DNAH17: variants seen among roughly 807,000 people sequenced by gnomAD.
The protein encoded by DNAH17 is dynein axonemal heavy chain 17.
Under a neutral mutation model 485.6 loss-of-function variants are expected in DNAH17, and 376 were observed. The ratio of observed to expected loss-of-function variants is 0.77; its 90% confidence interval spans 0.71 to 0.84. The LOEUF is 0.84. Ranked by LOEUF, DNAH17 falls within the 40% of genes least tolerant of loss-of-function variation. DNAH17 has a pLI of 0.00. For missense variants in DNAH17, 6,370 were observed against 5,839.3 expected, an observed-to-expected ratio of 1.09 and a Z score of -2.96; for synonymous variants, 3,031 against 2,405.9, an observed-to-expected ratio of 1.26 and a Z score of -7.60.
intron 2 of DNAH17, among the ~76,000 whole-genome samples, chr17:78,573,262 C>CA (rs1446774865): frequency 6.6e-6 from 1 of 152,138 alleles, no homozygotes; most frequent in Non-Finnish European, 1.5e-5. Context: ...CCCTAACTCC[C>CA]AGCACCTTAG....
chr17:78,560,506 T>G (rs1343407436), intron 13 of DNAH17, among the ~76,000 whole-genome samples: 1 of 151,828 alleles, frequency 6.6e-6, no homozygotes, highest in Non-Finnish European at 1.5e-5. Context: ...AAATTGTCAT[T>G]TCTTCTTGGG....
chr17:78,536,901 C>T (rs1262571298), intron 19 of DNAH17, among the ~76,000 whole-genome samples: 3 of 151,926 alleles, frequency 2.0e-5, no homozygotes, highest in Non-Finnish European at 4.4e-5. Flanking sequence ...CAGGGCCGGG[C>T]GCGGTGGCTC....
At chr17:78,472,715 T>A (rs1200172065) in intron 54 of DNAH17, 3 of 455,012 alleles carry the variant, frequency 6.6e-6, no homozygotes, top group African/African-American at 6.0e-5. Context: ...ACGCACGCTG[T>A]CTCGGCAGGC....
chr17:78,556,362 T>C (rs1387388310), intron 14 of DNAH17, among the ~76,000 whole-genome samples: 1 of 152,180 alleles, frequency 6.6e-6, no homozygotes, highest in Non-Finnish European at 1.5e-5. Context: ...ACCATCCCCT[T>C]GAGCCTCCAG....
intron 35 of DNAH17, chr17:78,500,815 G>C (rs2090260092): frequency 4.5e-6 from 1 of 224,166 alleles, no homozygotes; most frequent in South Asian, 1.2e-4. Context: ...ACATGGGAGA[G>C]GGCAGAAAAC....
rs917222778 is a variant in DNAH17, at chr17:78,543,890, C to G, written c.2499G>C (p.Arg833Ser). 1 of 1,614,046 alleles carries G rather than the reference C, an allele frequency of 6.2e-7. No individual in the cohort carries two copies. ...ANLNKRYAAV[R>S]DAGVKIQAMV... is the part of the protein sequence containing the mutation. Reference sequence around the variant, plus strand: ...TGGCTTGGATCTTCACTCCAGCATCCCTGACTGCTGCGTAGCGCTTGTTGA... The same window carrying G: ...TGGCTTGGATCTTCACTCCAGCATCGCTGACTGCTGCGTAGCGCTTGTTGA... The change falls in exon 17 of 81, where the codon AGG (arginine) becomes AGC (serine). Residue 833 changes from arginine (R) to serine (S), a missense_variant. Physicochemically the swap from Arg to Ser is moderately radical, Grantham distance 110 (BLOSUM62 -1). Coordinates refer to ENST00000389840, the MANE Select transcript of DNAH17 (RefSeq NM_173628.4).
intron 74 of DNAH17, among the ~76,000 whole-genome samples, chr17:78,436,190 G>A (rs1325263619): frequency 6.6e-6 from 1 of 152,202 alleles, no homozygotes; most frequent in Non-Finnish European, 1.5e-5. Flanking sequence ...TATTTGGGAG[G>A]CCGAGGTGGG....
intron 47 of DNAH17, among the ~76,000 whole-genome samples, chr17:78,485,339 C>A (rs1279888921): frequency 6.6e-6 from 1 of 152,138 alleles, no homozygotes; most frequent in Non-Finnish European, 1.5e-5. Flanking sequence ...AACCCCATCA[C>A]CATGCCCACA....
At chr17:78,523,801 C>T (rs1211999815) in intron 25 of DNAH17, among the ~76,000 whole-genome samples, 2 of 152,150 alleles carry the variant, frequency 1.3e-5, no homozygotes, top group Admixed American at 6.5e-5. Context: ...CAGTTACTTG[C>T]GAGGCTGAGA....
At chr17:78,552,178 C>G (rs1459340671) in intron 15 of DNAH17, among the ~76,000 whole-genome samples, 4 of 152,196 alleles carry the variant, frequency 2.6e-5, no homozygotes, top group Admixed American at 2.6e-4. Flanking sequence ...CTTCACCCCA[C>G]GTAGGAGCCC....
At chr17:78,514,503 CAAAAAAAAAA>C (rs79884057) in intron 26 of DNAH17, among the ~76,000 whole-genome samples, 1 of 112,156 alleles carries the variant, frequency 8.9e-6, no homozygotes, top group Non-Finnish European at 1.7e-5. Context: ...GACTCCGTCT[CAAAAAAAAAA>C]AAAAAAAAAG....
chr17:78,475,945 T>A, intron 52 of DNAH17, 112 bp from the exon 53 acceptor site: 1 of 1,255,426 alleles, frequency 8.0e-7, no homozygotes, highest in Non-Finnish European at 1.1e-6. Context: ...CACCACGGGG[T>A]CCCAGGCCAA....
At chr17:78,437,218 G>T (rs892199714) in intron 74 of DNAH17, among the ~76,000 whole-genome samples, 8 of 152,188 alleles carry the variant, frequency 5.3e-5, no homozygotes, top group African/African-American at 1.9e-4. Flanking sequence ...TACCCTGGTT[G>T]CCCATAGCCT....
At chr17:78,491,396 T>A (rs754390653) in intron 43 of DNAH17, 47 bp downstream of exon 43, 15 of 1,599,730 alleles carry the variant, frequency 9.4e-6, no homozygotes, top group Middle Eastern at 1.7e-4. Flanking sequence ...GCCCCCGTTG[T>A]CCCTGCCTTG....
chr17:78,476,747 A>G lies in DNAH17; in HGVS notation c.7993-14T>C, dbSNP rs60829424. The G allele has an allele frequency of 6.5e-3, 10,518 of 1,609,030 alleles. 524 individuals carry two copies. The African/African-American group carries it at 0.11, about 17-fold the overall frequency. ...AAATAAGAGTCCCTGCCCCAAACAC[A>G]GGATGATCAGCACCGTCAGCTGTTA... On this transcript the variant is annotated splice_polypyrimidine_tract_variant and intron_variant, in intron 51 of 80. Transcript: ENST00000389840.
chr17:78,490,700 G>C lies in DNAH17; in HGVS notation c.6817C>G (p.Pro2273Ala). 6.2e-7 allele frequency: 1 copy of C among 1,606,432 alleles called. No individual in the cohort carries two copies. The highest frequency in any genetic ancestry group is 8.5e-7 in the Non-Finnish European group (1 of 1,175,972). The stretch of plus-strand genomic sequence containing the variant: ...CAGGAAAGCCAAAGCCCCACTCACG[G>C]GTTCCATCCCAGGTCGGCTGGGTTG... ...YINPADLGWN[P>A]VVSSWIERRK... Residue 2273 changes from proline (P) to alanine (A), a missense_variant and splice_region_variant, in exon 44 of 81, where the codon CCG becomes GCG. Physicochemically the swap from Pro to Ala is conservative, Grantham distance 27. Transcript: ENST00000389840.
chr17:78,487,760 G>T (rs2089675723), intron 44 of DNAH17, among the ~76,000 whole-genome samples: 1 of 152,110 alleles, frequency 6.6e-6, no homozygotes, highest in African/African-American at 2.4e-5. Flanking sequence ...CCTGACCTTA[G>T]ATGATCTGCC....
chr17:78,487,182 C>G lies in DNAH17; in HGVS notation c.6819-676G>C, dbSNP rs182552997. ...GGTGTGGACTCTGGGGCCTGACTGC[C>G]CAGGCTTGAGTCAGCTCTACCATGG... is the stretch of plus-strand genomic sequence containing the variant. On this transcript the variant is annotated intron_variant, in intron 44 of 80. Coordinates refer to ENST00000389840, the MANE Select transcript of DNAH17 (RefSeq NM_173628.4). Among the ~76,000 whole-genome samples the G allele has an allele frequency of 8.5e-5, 13 of 152,218 alleles. No individual in the cohort carries two copies. In the East Asian group the frequency reaches 2.5e-3, roughly 29 times the overall value.
At chr17:78,504,950 G>C (rs935184747) in intron 31 of DNAH17, among the ~76,000 whole-genome samples, 12 of 130,984 alleles carry the variant, frequency 9.2e-5, no homozygotes, top group Non-Finnish European at 1.7e-4. Context: ...CTGTCACCCA[G>C]GCTGGAGTGC....
Sources: allele counts gnomAD v4.1 joint callset (sites outside exome capture counted in the v4.1 genomes callset), GRCh38; gene constraint gnomAD v4.1.1; transcripts MANE v1.5; gene names NCBI Gene and HGNC (gene_info 2026-07-23, HGNC 2026-07-21).